Variants in IL13RA1 observed in about 807,000 individuals in gnomAD.
The protein encoded by IL13RA1 is interleukin-13 receptor subunit alpha-1.
IL13RA1 carries 14 observed loss-of-function variants against 33.8 expected under a neutral mutation model. That is an observed-to-expected ratio of 0.41 (90% CI 0.27 to 0.65). The LOEUF is 0.65. Ranked by LOEUF, IL13RA1 falls within the 30% of genes least tolerant of loss-of-function variation. The pLI, the probability that IL13RA1 is intolerant of heterozygous loss-of-function variation, is 0.28. For missense variants in IL13RA1, 313 were observed against 327.0 expected (o/e 0.96, Z 0.33); for synonymous variants, 116 against 115.7 (o/e 1.00, Z -0.02).
intron 5 of IL13RA1, chrX:118,758,825 A>T (rs1033712833): frequency 9.0e-6 from 1 of 111,554 alleles, no homozygotes; most frequent in Non-Finnish European, 1.9e-5. Flanking sequence ...CAATCAATTC[A>T]TGAAGGCAGA....
intron 8 of IL13RA1, among the ~76,000 whole-genome samples, chrX:118,772,059 G>T (rs2017728367): frequency 8.9e-6 from 1 of 112,673 alleles, no homozygotes; most frequent in Admixed American, 9.4e-5. Context: ...CGATTTATTT[G>T]ATATTTTAGT....
intron 4 of IL13RA1, among the ~76,000 whole-genome samples, chrX:118,754,088 A>G (rs962910141): frequency 9.0e-6 from 1 of 111,417 alleles, no homozygotes; most frequent in Non-Finnish European, 1.9e-5. Context: ...GCTGGTATAG[A>G]TTCTGTATCT....
At position 118,749,654 on chromosome X, in the gene IL13RA1, C is replaced by T. The variant is rs371029411; in HGVS notation, c.368-4C>T. The T allele has an allele frequency of 9.5e-5, 114 of 1,205,540 alleles. No homozygotes were observed. The highest frequency in any genetic ancestry group is 1.1e-4 in the Non-Finnish European group (102 of 891,265). ...GTCTTAAACTCTTGGCCTGGATATT[C>T]TAGGTGATCCTGAGTCTGCTGTGAC... is the stretch of plus-strand genomic sequence containing the variant. On this transcript the variant is annotated splice_region_variant and splice_polypyrimidine_tract_variant and intron_variant, in intron 3 of 10. Transcript: ENST00000371666.
At chrX:118,785,866 A>G (rs1055857371) in intron 10 of IL13RA1, among the ~76,000 whole-genome samples, 75 of 111,910 alleles carry the variant, frequency 6.7e-4, no homozygotes, top group African/African-American at 2.3e-3. Context: ...CACTGCGCCC[A>G]GCCTTCTTTT....
At chrX:118,766,500 T>C (rs759941044) in intron 6 of IL13RA1, 30 bp from the exon 7 acceptor site, 14 of 756,080 alleles carry the variant, frequency 1.9e-5, no homozygotes, top group Middle Eastern at 2.9e-4. Context: ...TTAGGACTCA[T>C]TAGTTTATTT....
chrX:118,782,767 A>AT lies in IL13RA1; in HGVS notation c.1191+6271dup, dbSNP rs35301680. ...TGTGCACTACCACGCCCAGCTAATA[A>AT]TTTTTTTTTTTTTTTGTATGAATGG... On this transcript the variant is annotated intron_variant, in intron 10 of 10. Coordinates refer to ENST00000371666, the MANE Select transcript of IL13RA1 (RefSeq NM_001560.3). 5.4e-3 allele frequency among the ~76,000 whole-genome samples: 534 copies of AT among 99,312 alleles called. 2 individuals carry two copies. The highest frequency in any genetic ancestry group is 0.015 in the Middle Eastern group (3 of 197). The allele number at this position is 99,312 out of a possible 115,157, so 86.2% of individuals were successfully genotyped here.
At chrX:118,786,473 A>C (rs780293152) in intron 10 of IL13RA1, among the ~76,000 whole-genome samples, 3 of 111,726 alleles carry the variant, frequency 2.7e-5, no homozygotes, top group Non-Finnish European at 5.6e-5. Context: ...GGGCTCAAGC[A>C]ATCCTCCTGC....
At chrX:118,742,237 T>G (rs1402217876) in intron 2 of IL13RA1, among the ~76,000 whole-genome samples, 1 of 112,291 alleles carries the variant, frequency 8.9e-6, no homozygotes, top group Non-Finnish European at 1.9e-5. Flanking sequence ...GAATTGAGGC[T>G]TATCAGAAGT....
intron 9 of IL13RA1, among the ~76,000 whole-genome samples, chrX:118,776,135 C>A (rs922012362): frequency 9.0e-6 from 1 of 111,715 alleles, no homozygotes; most frequent in Non-Finnish European, 1.9e-5. Context: ...GAGCAAGCGC[C>A]CATCTGGTCT....
chrX:118,741,627 G>A (rs2017345287), intron 2 of IL13RA1, among the ~76,000 whole-genome samples: 1 of 111,947 alleles, frequency 8.9e-6, no homozygotes, highest in African/African-American at 3.2e-5. Flanking sequence ...GTGTGTTTGA[G>A]TAGAGGGTTC....
At chrX:118,733,268 G>A (rs775137934) in intron 1 of IL13RA1, among the ~76,000 whole-genome samples, 6 of 111,759 alleles carry the variant, frequency 5.4e-5, no homozygotes, top group East Asian at 5.6e-4. Flanking sequence ...ACTGTGCACC[G>A]GGGTTTGAAT....
chrX:118,763,389 C>T (rs1603216105), intron 6 of IL13RA1, among the ~76,000 whole-genome samples: 1 of 111,844 alleles, frequency 8.9e-6, no homozygotes, highest in Non-Finnish European at 1.9e-5. Context: ...TATTTTGTCT[C>T]CATTTTACAA....
chrX:118,782,571 C>T (rs1346568405), intron 10 of IL13RA1, among the ~76,000 whole-genome samples: 1 of 107,256 alleles, frequency 9.3e-6, no homozygotes, highest in Non-Finnish European at 1.9e-5. Context: ...CTCTCCATAC[C>T]ACCACATTCA....
rs750127766 is a variant in IL13RA1, at chrX:118,773,801, G to C, written c.1010-78G>C. 98 of 564,585 alleles carry C rather than the reference G, an allele frequency of 1.7e-4. No individual in the cohort carries two copies. In the African/African-American group the frequency reaches 2.1e-3, roughly 12 times the overall value. The allele number at this position is 564,585 out of a possible 1,213,427, so 46.5% of individuals were successfully genotyped here. ...AGCAGAAATATTTGTGATCTTACTA[G>C]CTAACAGAATTGCTGCTTGGTTTAT... is the stretch of plus-strand genomic sequence containing the variant. On this transcript the variant is annotated intron_variant, in intron 8 of 10. Transcript: ENST00000371666.
chrX:118,805,161 T>C, the IL13RA1 span, among the ~76,000 whole-genome samples: 1 of 112,009 alleles, frequency 8.9e-6, no homozygotes, highest in African/African-American at 3.3e-5. Context: ...GTCAGGGAGA[T>C]GGAATTGAGA....
At chrX:118,774,895 A>C (rs147774990) in intron 9 of IL13RA1, among the ~76,000 whole-genome samples, 262 of 111,482 alleles carry the variant, frequency 2.4e-3, no homozygotes, top group African/African-American at 8.3e-3. Context: ...TACTCTCTCT[A>C]TATATGTATA....
chrX:118,746,757 C>T (rs2017409171), intron 2 of IL13RA1, among the ~76,000 whole-genome samples, 197 bp from the exon 3 acceptor site: 1 of 109,844 alleles, frequency 9.1e-6, no homozygotes, highest in African/African-American at 3.3e-5. Context: ...CAAGTTAGGA[C>T]AATAAAAAGT....
intron 8 of IL13RA1, among the ~76,000 whole-genome samples, chrX:118,768,353 G>A (rs1330562456): frequency 8.9e-6 from 1 of 111,906 alleles, no homozygotes; most frequent in African/African-American, 3.3e-5. Flanking sequence ...CCACGGCTTA[G>A]CTGGAGGTCT....
chrX:118,786,426 G>A (rs1016763534), intron 10 of IL13RA1, among the ~76,000 whole-genome samples: 1 of 111,169 alleles, frequency 9.0e-6, no homozygotes, highest in Non-Finnish European at 1.9e-5. Flanking sequence ...GTAGAGGTGG[G>A]GTTTCACCAT....
Sources: allele counts gnomAD v4.1 joint callset (sites outside exome capture counted in the v4.1 genomes callset), GRCh38; gene constraint gnomAD v4.1.1; transcripts MANE v1.5; gene names NCBI Gene and HGNC (gene_info 2026-07-23, HGNC 2026-07-21).